Variants in HMCN1 observed in about 807,000 individuals in gnomAD.
The protein encoded by HMCN1 is hemicentin 1.
HMCN1 carries 321 observed loss-of-function variants against 625.9 expected under a neutral mutation model. That is an observed-to-expected ratio of 0.51 (90% confidence interval 0.47 to 0.56). HMCN1 has a LOEUF of 0.56. Among genes scored for constraint, HMCN1 ranks in the 20% least tolerant of loss-of-function variants. The probability of loss-of-function intolerance (pLI) is 0.00; values close to 1 mark genes in which losing one functional copy is unlikely to be tolerated. For synonymous variants in HMCN1, 2,425 were observed against 2,417.6 expected (o/e 1.00, Z -0.09); for missense variants, 6,588 against 6,887.3 (o/e 0.96, Z 1.54).
At position 186,166,674 on chromosome 1, in the gene HMCN1, CA is replaced by C. The variant is rs949578820; in HGVS notation, c.15440-129del. 4 of 1,288,376 alleles carry C rather than the reference CA, an allele frequency of 3.1e-6. No individual in the cohort carries two copies. The African/African-American group carries it at 4.4e-5, about 14-fold the overall frequency. 79.8% of individuals were successfully genotyped at this position (1,288,376 alleles called of 1,614,324 possible). A position where few individuals can be genotyped will look rare whatever the true frequency, so the allele number is the denominator to read the frequency against. Reference sequence around the variant, plus strand: ...TTTAGCCCACCTGATGTGACTCAACCAAAAACTTTAGTCCTTCTTGTTCTTT... The same window carrying C: ...TTTAGCCCACCTGATGTGACTCAACCAAAACTTTAGTCCTTCTTGTTCTTT... On this transcript the variant is annotated intron_variant, in intron 99 of 106. Transcript: ENST00000271588.
At chr1:185,803,451 G>A (rs1259901183) in intron 1 of HMCN1, among the ~76,000 whole-genome samples, 1 of 152,018 alleles carries the variant, frequency 6.6e-6, no homozygotes. Flanking sequence ...CATTTGAGCA[G>A]AAAGATCCAT....
chr1:186,050,404 G>T (rs1656872912), intron 42 of HMCN1, among the ~76,000 whole-genome samples: 1 of 151,842 alleles, frequency 6.6e-6, no homozygotes, highest in Non-Finnish European at 1.5e-5. Flanking sequence ...CGATAGGATG[G>T]CTCTCAGGTG....
chr1:186,154,503 C>T (rs1650868842), intron 97 of HMCN1, among the ~76,000 whole-genome samples: 1 of 152,132 alleles, frequency 6.6e-6, no homozygotes, highest in East Asian at 1.9e-4. Context: ...GCCTGTACAA[C>T]AAAGAGCAAA....
At chr1:185,801,799 A>G (rs79500079) in intron 1 of HMCN1, among the ~76,000 whole-genome samples, 31 of 152,294 alleles carry the variant, frequency 2.0e-4, no homozygotes, top group African/African-American at 7.5e-4. Context: ...GGAGGGAGTT[A>G]AGGATGGCTG....
chr1:185,755,750 T>C (rs545387300), intron 1 of HMCN1, among the ~76,000 whole-genome samples: 23 of 152,258 alleles, frequency 1.5e-4, no homozygotes, highest in Middle Eastern at 3.4e-3. Context: ...ATTAGGAATT[T>C]CCATTTTTCT....
Position 185,911,705 on chromosome 1 carries a change from T to G in HMCN1, c.825T>G (p.His275Gln). ...TGATAAAAAAGGGATTTGGCCTGCA[T>G]GAGCTATTAAATATCCATAACTCTG... ...GKLIKKGFGL[H>Q]ELLNIHNSAK... The change falls in exon 6 of 107, where the codon CAT becomes CAG. Residue 275 changes from histidine to glutamine, a missense_variant. This residue lies in a region of HMCN1 where 4,628 missense variants were observed against 4,853.1 expected (regional missense o/e 0.95). Coordinates refer to ENST00000271588, the MANE Select transcript of HMCN1 (RefSeq NM_031935.3). 6.2e-7 allele frequency: 1 copy of G among 1,613,350 alleles called. No homozygotes were observed. Among genetic ancestry groups the G allele is most frequent in the Non-Finnish European group, 8.5e-7 (1 of 1,179,372 alleles).
chr1:186,001,744 A>G lies in HMCN1; in HGVS notation c.4348+3A>G, dbSNP rs778052968. Reference sequence around the variant, plus strand: ...GTACTTTAACATTGATGTGCTAGGTAAGAAATACATCCTTTTAAAAAACTA... The same window carrying G: ...GTACTTTAACATTGATGTGCTAGGTGAGAAATACATCCTTTTAAAAAACTA... On this transcript the variant is annotated splice_donor_region_variant and intron_variant, in intron 28 of 106. Coordinates refer to ENST00000271588, the MANE Select transcript of HMCN1 (RefSeq NM_031935.3). 2.5e-6 allele frequency: 4 copies of G among 1,610,240 alleles called. No individual in the cohort carries two copies. In the Admixed American group the frequency reaches 6.7e-5, roughly 27 times the overall value.
intron 1 of HMCN1, among the ~76,000 whole-genome samples, chr1:185,739,122 G>A (rs1028854747): frequency 3.9e-5 from 6 of 152,158 alleles, no homozygotes; most frequent in Non-Finnish European, 8.8e-5. Context: ...TATGGTATTT[G>A]GTTTTCTGTT....
At position 186,018,293 on chromosome 1, in the gene HMCN1, G is replaced by A. The variant is rs777060812; in HGVS notation, c.5411G>A (p.Arg1804Gln). ...CAAGTGTCAAACACAGGCCTTTATC[G>A]GTGCATGGCAGCAAATACTGCTGGA... ...QAQVSNTGLY[R>Q]CMAANTAGDH... Residue 1804 changes from arginine to glutamine, a missense_variant, in exon 34 of 107, where the codon CGG (arginine) becomes CAG (glutamine). This residue lies in a region of HMCN1 where 4,628 missense variants were observed against 4,853.1 expected (regional missense o/e 0.95). Transcript: ENST00000271588. The A allele has an allele frequency of 5.1e-5, 83 of 1,612,784 alleles. 1 individual carries two copies. The Admixed American group carries it at 6.7e-4, about 13-fold the overall frequency.
rs1211192676 is a variant in HMCN1, at chr1:185,924,985, C to T, written c.1286-62C>T. 10 of 1,407,016 alleles carry T rather than the reference C, an allele frequency of 7.1e-6. No homozygotes were observed. In the East Asian group the frequency reaches 9.9e-5, roughly 14 times the overall value. The allele number at this position is 1,407,016 out of a possible 1,614,324, so 87.2% of individuals were successfully genotyped here. A position where few individuals can be genotyped will look rare whatever the true frequency, so the allele number is the denominator to read the frequency against. On this transcript the variant is annotated intron_variant, in intron 8 of 106. Coordinates refer to ENST00000271588, the MANE Select transcript of HMCN1 (RefSeq NM_031935.3). ...ATTTTGAATGGATTAAGAGGCAGTA[C>T]TTAACATCATTGTGACCTTCTTGCT...
chr1:185,912,217 T>C (rs1666463537), intron 6 of HMCN1, among the ~76,000 whole-genome samples: 2 of 152,128 alleles, frequency 1.3e-5, no homozygotes, highest in African/African-American at 4.8e-5. Flanking sequence ...TCCTTCTCTG[T>C]CATGTGGAGA....
rs150050506 is a variant in HMCN1, at chr1:185,768,803, A to T, written c.268+33756A>T. 4.7e-4 allele frequency among the ~76,000 whole-genome samples: 71 copies of T among 152,232 alleles called. 2 individuals are homozygous for T. The East Asian group carries it at 0.012, about 26-fold the overall frequency. The stretch of plus-strand genomic sequence containing the variant: ...TCTATTTATTTAAAATTGTATTAAT[A>T]ATAATAATAAAAGAATGGGCCTGGA... On this transcript the variant is annotated intron_variant, in intron 1 of 106. Transcript: ENST00000271588.
At position 185,865,799 on chromosome 1, in the gene HMCN1, A is replaced by G. The variant is rs1558025343; in HGVS notation, c.557A>G (p.Tyr186Cys). The change falls in exon 4 of 107, where the codon TAT (tyrosine) becomes TGT (cysteine). Residue 186 changes from tyrosine (Y) to cysteine (C), a missense_variant. Transcript: ENST00000271588. ...AGGACCCATATTGGATATAAAGTCT[A>G]TGAAGAAATTGCCTCTACAAGTTCT... ...DDRTHIGYKVYEEIASTSSGQ... is the reference protein window; with the variant it reads ...DDRTHIGYKVCEEIASTSSGQ... 2 of 1,612,546 alleles carry G rather than the reference A, an allele frequency of 1.2e-6. No homozygotes were observed.
chr1:185,963,644 G>A, intron 12 of HMCN1, 124 bp from the exon 13 acceptor site: 1 of 703,494 alleles, frequency 1.4e-6, no homozygotes, highest in East Asian at 2.7e-5. Context: ...AACCATTTCT[G>A]CAATCGACAC....
chr1:185,784,279 T>C (rs1657392557), intron 1 of HMCN1, among the ~76,000 whole-genome samples: 1 of 152,120 alleles, frequency 6.6e-6, no homozygotes, highest in South Asian at 2.1e-4. Context: ...GGAAAGGGAA[T>C]TTCTGACCCC....
At chr1:186,086,822 A>AGATAGATAGAT (rs1659519584) in intron 58 of HMCN1, among the ~76,000 whole-genome samples, 1 of 20,794 alleles carries the variant, frequency 4.8e-5, no homozygotes, top group Non-Finnish European at 1.0e-4. Flanking sequence ...GATGATAGAT[A>AGATAGATAGAT]GATAGATAGA....
At chr1:186,134,923 A>G (rs939538223) in intron 86 of HMCN1, among the ~76,000 whole-genome samples, 7 of 152,164 alleles carry the variant, frequency 4.6e-5, no homozygotes, top group African/African-American at 1.7e-4. Flanking sequence ...ATTTGAACCA[A>G]TGTTCACAAC....
Position 185,995,046 on chromosome 1 carries a change from T to C in HMCN1, c.3737T>C (p.Ile1246Thr). The C allele has an allele frequency of 6.2e-6, 10 of 1,613,756 alleles. No individual in the cohort carries two copies. The highest frequency in any genetic ancestry group is 7.6e-6 in the Non-Finnish European group (9 of 1,179,760). ...ATATATACATGTGTTGCTACTAACA[T>C]AGCAGGCACTGATGAAACAGAGATA... ...AGIYTCVATNIAGTDETEITL... is the reference protein window; with the variant it reads ...AGIYTCVATNTAGTDETEITL... Residue 1246 changes from isoleucine (I) to threonine (T), a missense_variant, in exon 24 of 107, where the codon ATA becomes ACA. Transcript: ENST00000271588.
chr1:186,051,792 G>A (rs1204551688), intron 42 of HMCN1, among the ~76,000 whole-genome samples: 1 of 151,996 alleles, frequency 6.6e-6, no homozygotes, highest in African/African-American at 2.4e-5. Context: ...AGCTGGATAG[G>A]GGGACTTCTG....
Sources: gnomAD v4.1 joint callset for allele counts (sites outside exome capture counted in the v4.1 genomes callset) on GRCh38, gnomAD v4.1.1 for gene constraint, gnomAD v4.1.1 regional missense constraint, MANE v1.5 for transcripts, NCBI Gene and HGNC (gene_info 2026-07-23, HGNC 2026-07-21) for gene names.